ZNF638: variants seen among roughly 807,000 people sequenced by gnomAD.
The protein encoded by ZNF638 is CTCL tumor antigen se33-1.
In ZNF638, 46 loss-of-function variants were observed where a neutral mutation model predicts 195.6. The observed-to-expected ratio is 0.24, with a 90% confidence interval of 0.19 to 0.30. The LOEUF (loss-of-function observed/expected upper bound fraction) is 0.30. Among genes scored for constraint, ZNF638 ranks in the 10% least tolerant of loss-of-function variants. ZNF638 has a pLI of 1.00. For missense variants in ZNF638, 2,440 were observed against 2,325.3 expected (o/e 1.05, Z -1.01); for synonymous variants, 845 against 772.0 (o/e 1.09, Z -1.57).
intron 19 of ZNF638, 133 bp from the exon 20 acceptor site, chr2:71,407,989 A>G: frequency 1.3e-6 from 1 of 776,996 alleles, no homozygotes. Context: ...ACATGGGTGT[A>G]CAAATACATG....
intron 21 of ZNF638, among the ~76,000 whole-genome samples, chr2:71,421,025 G>C (rs1433532363): frequency 5.9e-5 from 9 of 152,138 alleles, no homozygotes; most frequent in Non-Finnish European, 1.3e-4. Context: ...GAAGGGGAAA[G>C]TCTTGCTATA....
At chr2:71,342,410 G>A (rs1240530444) in intron 1 of ZNF638, among the ~76,000 whole-genome samples, 1 of 151,496 alleles carries the variant, frequency 6.6e-6, no homozygotes, top group African/African-American at 2.4e-5. Flanking sequence ...CACTACACAT[G>A]TTCACTCTTT....
Position 71,428,537 on chromosome 2 carries a change from C to A in ZNF638, c.5546-10C>A, listed in dbSNP as rs773444412. ...TACTAGAGCAATAAATTAGGACTTT[C>A]TTTTTAAAGCTAAAACTCCAACCAA... On this transcript the variant is annotated splice_polypyrimidine_tract_variant and intron_variant, in intron 24 of 27. Transcript: ENST00000264447. The A allele has an allele frequency of 6.2e-7, 1 of 1,608,196 alleles. No individual in the cohort carries two copies. Among genetic ancestry groups the A allele is most frequent in the Non-Finnish European group, 8.5e-7 (1 of 1,176,668 alleles).
chr2:71,400,213 CTTATT>C, intron 14 of ZNF638, 33 bp downstream of exon 14: 1 of 1,546,902 alleles, frequency 6.5e-7, no homozygotes, highest in Non-Finnish European at 8.8e-7. Context: ...TTGTTCTTTA[CTTATT>C]TTAATTACCA....
rs2104415504 is a variant in ZNF638, at chr2:71,396,265, AGTC to A, written c.2428+75_2428+77del. On this transcript the variant is annotated intron_variant, in intron 11 of 27. Coordinates refer to ENST00000264447, the MANE Select transcript of ZNF638 (RefSeq NM_014497.5). ...TATTTTAAAATCGTATGGCAGTAGTAGTCTTGGATTTCACATGACATAGTCTGT... is the reference window on the plus strand; with the variant it reads ...TATTTTAAAATCGTATGGCAGTAGTATTGGATTTCACATGACATAGTCTGT... The A allele has an allele frequency of 4.1e-6, 5 of 1,229,270 alleles. No homozygotes were observed. The South Asian group carries it at 5.3e-5, about 13-fold the overall frequency. The allele number at this position is 1,229,270 out of a possible 1,614,324, so 76.1% of individuals were successfully genotyped here. A position where few individuals can be genotyped will look rare whatever the true frequency, so the allele number is the denominator to read the frequency against.
In ZNF638 at chr2:71,399,635, G is replaced by C. The variant is rs145725176; in HGVS notation, c.2577G>C (p.Val859=). The C allele has an allele frequency of 4.1e-5, 66 of 1,609,884 alleles. No individual in the cohort carries two copies. In the Admixed American group the frequency reaches 1.1e-3, roughly 27 times the overall value. The change falls in exon 13 of 28, where the codon GTG becomes GTC. Residue 859 remains valine (V), a synonymous_variant. Transcript: ENST00000264447. ...AAAACAAAGACTCTAACAAACCTGT[G>C]ACTATACCAGGTAAGCTTGAAATGT... is the stretch of plus-strand genomic sequence containing the variant. ...NVKNKDSNKP[V]TIPENSEIKT... is the part of the protein sequence containing the mutation.
chr2:71,332,022 G>GCA (rs1332797994), intron 1 of ZNF638, 147 bp downstream of exon 1: 6 of 764,844 alleles, frequency 7.8e-6, no homozygotes, highest in Non-Finnish European at 8.0e-6. Flanking sequence ...CAGACGGCGG[G>GCA]GGCGGGAGGA....
At position 71,423,481 on chromosome 2, in the gene ZNF638, G is replaced by T; in HGVS notation, c.3967G>T (p.Asp1323Tyr). The T allele has an allele frequency of 6.2e-7, 1 of 1,613,562 alleles. No homozygotes were observed. The highest frequency in any genetic ancestry group is 8.5e-7 in the Non-Finnish European group (1 of 1,179,906). The change falls in exon 22 of 28, where the codon GAT becomes TAT. Residue 1323 changes from aspartate to tyrosine, a missense_variant. Physicochemically the swap from Asp to Tyr is radical, Grantham distance 160. Around this residue, in one of 5 missense-constraint regions of ZNF638, gnomAD observed 1,883 missense variants for 1,739.1 expected, o/e 1.08. Coordinates refer to ENST00000264447, the MANE Select transcript of ZNF638 (RefSeq NM_014497.5). ...KEFNTKETRM[D>Y]LQIGTEKAEK... ...ATTTAATACTAAGGAAACCAGAATG[G>T]ATCTTCAAATAGGAACAGAGAAGGC...
intron 21 of ZNF638, among the ~76,000 whole-genome samples, chr2:71,420,536 C>T (rs1379270366): frequency 2.0e-5 from 3 of 152,158 alleles, no homozygotes; most frequent in African/African-American, 4.8e-5. Flanking sequence ...TCAGTGTTAA[C>T]GTTTGTTCTA....
chr2:71,423,346 A>G lies in ZNF638; in HGVS notation c.3832A>G (p.Thr1278Ala). ...AACTGTTTCGGAAATATTGCCATCA[A>G]CTTGTATTGTGACGTTAGTACCAGG... ...NETVSEILPS[T>A]CIVTLVPGIP... is the part of the protein sequence containing the mutation. The change falls in exon 22 of 28, where the codon ACT becomes GCT. Residue 1278 changes from threonine (T) to alanine (A), a missense_variant. Physicochemically the swap from Thr to Ala is moderately conservative, Grantham distance 58 (BLOSUM62 0). Transcript: ENST00000264447. 6.2e-7 allele frequency: 1 copy of G among 1,613,988 alleles called. No homozygotes were observed. Among genetic ancestry groups the G allele is most frequent in the Non-Finnish European group, 8.5e-7 (1 of 1,180,008 alleles).
rs58219651 is a variant in ZNF638 at position 71,386,293 on chromosome 2, C to CA, written c.2377+5752dup. On this transcript the variant is annotated intron_variant, in intron 10 of 27. Transcript: ENST00000264447. ...TATGCAACAGAGTGAGACCTTGTCT[C>CA]AAAAAAAAAAAAAAAAAAAAAAAAG... Among the ~76,000 whole-genome samples the CA allele has an allele frequency of 3.4e-3, 292 of 84,836 alleles. 2 individuals carry two copies. Among genetic ancestry groups the CA allele is most frequent in the South Asian group, 6.0e-3 (13 of 2,166 alleles). The allele number at this position is 84,836 out of a possible 152,430, so 55.7% of individuals were successfully genotyped here.
At position 71,424,698 on chromosome 2, in the gene ZNF638, A is replaced by T. The variant is rs1369462906; in HGVS notation, c.4573A>T (p.Ser1525Cys). The T allele has an allele frequency of 6.2e-7, 1 of 1,613,548 alleles. No homozygotes were observed. The highest frequency in any genetic ancestry group is 1.1e-5 in the South Asian group (1 of 90,954). Reference protein sequence around the residue: ...TKNPKSTTGRSSKSKEEPLFP... With the variant: ...TKNPKSTTGRCSKSKEEPLFP... ...GAATCCTAAAAGCACTACTGGTAGA[A>T]GTTCCAAATCTAAAGAGGTAAAAAA... The change falls in exon 23 of 28, where the codon AGT becomes TGT. Residue 1525 changes from serine (S) to cysteine (C), a missense_variant. Around this residue, in one of 5 missense-constraint regions of ZNF638, gnomAD observed 1,883 missense variants for 1,739.1 expected, o/e 1.08. Coordinates refer to ENST00000264447, the MANE Select transcript of ZNF638 (RefSeq NM_014497.5).
intron 12 of ZNF638, among the ~76,000 whole-genome samples, chr2:71,399,197 T>G (rs2079956650): frequency 6.6e-6 from 1 of 152,154 alleles, no homozygotes; most frequent in Non-Finnish European, 1.5e-5. Context: ...TTAAAATAAA[T>G]TTAGCACCTT....
At chr2:71,350,968 A>T (rs1235759739) in intron 2 of ZNF638, among the ~76,000 whole-genome samples, 1 of 152,240 alleles carries the variant, frequency 6.6e-6, no homozygotes, top group African/African-American at 2.4e-5. Context: ...TTGCAGAGGC[A>T]GTGAAGTGTA....
intron 1 of ZNF638, among the ~76,000 whole-genome samples, chr2:71,334,946 G>A (rs1337176108): frequency 4.0e-5 from 6 of 151,870 alleles, no homozygotes; most frequent in Admixed American, 2.0e-4. Context: ...AAAAAACTCC[G>A]GTGAGGGTTA....
intron 20 of ZNF638, chr2:71,408,793 C>G (rs1336824831): frequency 4.8e-6 from 2 of 413,880 alleles, no homozygotes; most frequent in Non-Finnish European, 9.6e-6. Context: ...AGTAATAGGA[C>G]CTTATATGTG....
intron 1 of ZNF638, among the ~76,000 whole-genome samples, chr2:71,346,046 T>G (rs2078845549): frequency 6.6e-6 from 1 of 152,210 alleles, no homozygotes; most frequent in Admixed American, 6.5e-5. Flanking sequence ...TTTTTGCCTT[T>G]AAGGAATTTT....
intron 4 of ZNF638, 35 bp from the exon 5 acceptor site, chr2:71,363,919 G>A (rs777578675): frequency 6.3e-6 from 10 of 1,575,308 alleles, no homozygotes; most frequent in Non-Finnish European, 8.6e-6. Context: ...ACATTAAATT[G>A]CTGATCACTT....
Position 71,345,676 on chromosome 2 carries a change from A to AT in ZNF638, c.-202-3068dup, listed in dbSNP as rs766101711. ...GGGATTACAGGTGTGAGCCACCTGTATTTTTTTTTGTAGAGACAGGATTTT... is the reference window on the plus strand; with the variant it reads ...GGGATTACAGGTGTGAGCCACCTGTATTTTTTTTTTGTAGAGACAGGATTTT... On this transcript the variant is annotated intron_variant, in intron 1 of 27. Transcript: ENST00000264447. Among the ~76,000 whole-genome samples, 421 of 149,556 alleles carry AT rather than the reference A, an allele frequency of 2.8e-3. 3 individuals are homozygous for AT. Among genetic ancestry groups the AT allele is most frequent in the African/African-American group, 9.3e-3 (378 of 40,652 alleles).
Sources: gnomAD v4.1 joint callset for allele counts (sites outside exome capture counted in the v4.1 genomes callset) on GRCh38, gnomAD v4.1.1 for gene constraint, gnomAD v4.1.1 regional missense constraint, MANE v1.5 for transcripts, NCBI Gene and HGNC (gene_info 2026-07-23, HGNC 2026-07-21) for gene names.